Variants in ARFGEF2 observed in about 807,000 individuals in gnomAD.
ARFGEF2 encodes ARF guanine nucleotide exchange factor 2.
In ARFGEF2, 74 loss-of-function variants were observed where a neutral mutation model predicts 219.9. That is an observed-to-expected ratio of 0.34 (90% confidence interval 0.28 to 0.41). The LOEUF is 0.41. ARFGEF2 is among the 10% of genes least tolerant of loss of function. The pLI is 1.00. For missense variants in ARFGEF2, 1,743 were observed against 2,218.3 expected, an observed-to-expected ratio of 0.79 and a Z score of 4.30; for synonymous variants, 733 against 799.2, an observed-to-expected ratio of 0.92 and a Z score of 1.40.
intron 34 of ARFGEF2, among the ~76,000 whole-genome samples, chr20:49,020,322 A>G (rs117241656): frequency 0.014 from 2,091 of 152,354 alleles, 18 homozygotes; most frequent in Non-Finnish European, 0.022. Flanking sequence ...TTTCTTTAGA[A>G]GGAATAAAAG....
Position 48,989,625 on chromosome 20 carries a change from T to C in ARFGEF2, c.2755T>C (p.Ser919Pro). ...LQNCDDTEVASLCLEGIRCAI... is the reference protein window; with the variant it reads ...LQNCDDTEVAPLCLEGIRCAI... ...GAACTGTGATGACACTGAAGTGGCC[T>C]CCTTGTGTTTGGAAGGCATCCGATG... The change falls in exon 20 of 39, where the codon TCC (serine) becomes CCC (proline). Residue 919 changes from serine to proline, a missense_variant. This residue lies in a region of ARFGEF2 where 666 missense variants were observed against 955.4 expected (regional missense o/e 0.70). Transcript: ENST00000371917. 2 of 1,614,240 alleles carry C rather than the reference T, an allele frequency of 1.2e-6. No homozygotes were observed. Among genetic ancestry groups the C allele is most frequent in the Non-Finnish European group, 1.7e-6 (2 of 1,180,044 alleles).
Position 48,928,794 on chromosome 20 carries a change from G to A in ARFGEF2, c.121+6784G>A, listed in dbSNP as rs555249050. Among the ~76,000 whole-genome samples the A allele has an allele frequency of 4.6e-5, 7 of 152,318 alleles. No homozygotes were observed. In the South Asian group the frequency reaches 1.2e-3, roughly 27 times the overall value. ...CAGGCGTGAGCCACTGCGCCCAGCC[G>A]GTGTTGCAGTCTTTAAAGGAAAAGG... On this transcript the variant is annotated intron_variant, in intron 1 of 38. Coordinates refer to ENST00000371917, the MANE Select transcript of ARFGEF2 (RefSeq NM_006420.3).
Position 48,988,894 on chromosome 20 carries a change from C to G in ARFGEF2, c.2533+232C>G, listed in dbSNP as rs571435692. ...AATTAGTAATCTGAGAACTAAATTA[C>G]TCCCAAAAAGTGTTCTTTAAAACTT... On this transcript the variant is annotated intron_variant, in intron 18 of 38. Coordinates refer to ENST00000371917, the MANE Select transcript of ARFGEF2 (RefSeq NM_006420.3). Among the ~76,000 whole-genome samples, 6 of 152,200 alleles carry G rather than the reference C, an allele frequency of 3.9e-5. No homozygotes were observed. In the East Asian group the frequency reaches 1.2e-3, roughly 29 times the overall value.
intron 14 of ARFGEF2, among the ~76,000 whole-genome samples, chr20:48,980,176 G>A (rs1045489716): frequency 3.3e-5 from 5 of 152,284 alleles, no homozygotes; most frequent in South Asian, 2.1e-4. Context: ...ACTCTGGTAC[G>A]TTGTTTCTTT....
At chr20:48,977,490 C>T (rs564676250) in intron 14 of ARFGEF2, among the ~76,000 whole-genome samples, 1 of 152,146 alleles carries the variant, frequency 6.6e-6, no homozygotes, top group Non-Finnish European at 1.5e-5. Context: ...GGGTATATAC[C>T]CAGTAATGGG....
intron 3 of ARFGEF2, among the ~76,000 whole-genome samples, chr20:48,944,015 A>G (rs955062308): frequency 7.3e-5 from 11 of 151,440 alleles, no homozygotes; most frequent in African/African-American, 2.4e-4. Flanking sequence ...CTGGTCTAAT[A>G]TTTACTCTAT....
intron 38 of ARFGEF2, 32 bp from the exon 39 acceptor site, chr20:49,032,991 T>C: frequency 6.2e-7 from 1 of 1,606,292 alleles, no homozygotes; most frequent in African/African-American, 1.3e-5. Context: ...AAAAAAATTG[T>C]CTAATTTTAT....
chr20:48,974,673 T>A (rs2091249852), intron 12 of ARFGEF2, 93 bp from the exon 13 acceptor site: 1 of 949,962 alleles, frequency 1.1e-6, no homozygotes, highest in African/African-American at 1.6e-5. Context: ...GTGATTTCTT[T>A]CTTAGCCTCA....
intron 7 of ARFGEF2, 53 bp from the exon 8 acceptor site, chr20:48,965,818 CT>C: frequency 6.2e-7 from 1 of 1,610,434 alleles, no homozygotes; most frequent in South Asian, 1.1e-5. Flanking sequence ...TCAGGCAGCC[CT>C]TTAGGGTAAG....
intron 6 of ARFGEF2, among the ~76,000 whole-genome samples, chr20:48,958,618 A>G (rs1427512322): frequency 1.4e-5 from 2 of 147,888 alleles, no homozygotes; most frequent in Admixed American, 6.7e-5. Flanking sequence ...TTTTTTTTGT[A>G]TTTTTAGTAG....
At chr20:48,967,654 T>G (rs752383852) in intron 8 of ARFGEF2, among the ~76,000 whole-genome samples, 15 of 151,952 alleles carry the variant, frequency 9.9e-5, no homozygotes, top group Non-Finnish European at 2.1e-4. Context: ...AGAGTGGGAG[T>G]TGGAAGTGTT....
intron 36 of ARFGEF2, among the ~76,000 whole-genome samples, chr20:49,026,325 G>A (rs1452707091): frequency 6.6e-6 from 1 of 151,288 alleles, no homozygotes; most frequent in Non-Finnish European, 1.5e-5. Flanking sequence ...GGGAGACCTT[G>A]TCTCAAGAAA....
At position 48,989,573 on chromosome 20, in the gene ARFGEF2, A is replaced by G; in HGVS notation, c.2703A>G (p.Leu901=). The change falls in exon 20 of 39, where the codon CTA becomes CTG. Residue 901 remains leucine, a synonymous_variant. Transcript: ENST00000371917. ...CATGATAGCTGGTGTGGACGCCACT[A>G]TTGGCAGCCTACAGCATCGGACTCC... The part of the protein sequence containing the change: ...RPMFKLVWTP[L]LAAYSIGLQN... The G allele has an allele frequency of 2.5e-6, 4 of 1,614,190 alleles. No homozygotes were observed. The South Asian group carries it at 4.4e-5, about 18-fold the overall frequency.
chr20:48,930,160 A>G (rs2090904129), intron 1 of ARFGEF2, among the ~76,000 whole-genome samples: 1 of 152,202 alleles, frequency 6.6e-6, no homozygotes, highest in Admixed American at 6.5e-5. Flanking sequence ...TGGCACTAGC[A>G]TCTGGCCAGG....
intron 21 of ARFGEF2, among the ~76,000 whole-genome samples, chr20:48,991,637 AT>A (rs1372347972): frequency 1.3e-5 from 2 of 152,126 alleles, no homozygotes. Flanking sequence ...GTATTCTAAG[AT>A]TCTCACCCAA....
At chr20:48,980,725 A>G (rs1204884333) in intron 14 of ARFGEF2, among the ~76,000 whole-genome samples, 2 of 151,928 alleles carry the variant, frequency 1.3e-5, no homozygotes, top group East Asian at 3.8e-4. Context: ...TGATCCCTTT[A>G]CCATTATGTA....
intron 14 of ARFGEF2, among the ~76,000 whole-genome samples, chr20:48,979,422 T>C (rs534222930): frequency 1.3e-5 from 2 of 152,346 alleles, no homozygotes; most frequent in Admixed American, 6.5e-5. Context: ...TCAGGGATAT[T>C]CGTCTAAAAT....
intron 3 of ARFGEF2, among the ~76,000 whole-genome samples, chr20:48,944,263 G>T (rs1306743248): frequency 6.6e-6 from 1 of 152,120 alleles, no homozygotes; most frequent in East Asian, 1.9e-4. Context: ...AATTTTAGTT[G>T]TTCTCTCCGC....
chr20:49,028,491 T>A, intron 36 of ARFGEF2, 39 bp from the exon 37 acceptor site: 1 of 1,602,196 alleles, frequency 6.2e-7, no homozygotes, highest in East Asian at 2.2e-5. Context: ...AGCATTATCT[T>A]AGAAATGTGC....
Sources: gnomAD v4.1 joint callset for allele counts (sites outside exome capture counted in the v4.1 genomes callset) on GRCh38, gnomAD v4.1.1 for gene constraint, gnomAD v4.1.1 regional missense constraint, MANE v1.5 for transcripts, NCBI Gene and HGNC (gene_info 2026-07-23, HGNC 2026-07-21) for gene names.